The following TOX variants were observed in gnomAD, a reference collection of about 807,000 sequenced individuals.
TOX encodes thymocyte selection-associated high mobility group box protein TOX.
In TOX, 11 loss-of-function variants were observed where a neutral mutation model predicts 53.7. The ratio of observed to expected loss-of-function variants is 0.20; its 90% confidence interval spans 0.13 to 0.34. The LOEUF is 0.34. Ranked by LOEUF, TOX falls within the 10% of genes least tolerant of loss-of-function variation. The pLI is 1.00. For synonymous variants in TOX, 225 were observed against 245.3 expected (o/e 0.92, Z 0.77); for missense variants, 570 against 664.6 (o/e 0.86, Z 1.56).
chr8:58,906,273 A>T (rs564423157), intron 3 of TOX, among the ~76,000 whole-genome samples: 23 of 152,234 alleles, frequency 1.5e-4, no homozygotes, highest in Non-Finnish European at 2.6e-4. Flanking sequence ...AAGAAGAAAA[A>T]GACAGTGGCT....
At chr8:58,915,538 G>A (rs1289457502) in intron 3 of TOX, among the ~76,000 whole-genome samples, 9 of 131,002 alleles carry the variant, frequency 6.9e-5, no homozygotes, top group Non-Finnish European at 1.3e-4. Context: ...CATCTACACC[G>A]AAAACCTATC....
intron 1 of TOX, among the ~76,000 whole-genome samples, chr8:59,077,258 C>A (rs1285050703): frequency 6.6e-6 from 1 of 152,238 alleles, no homozygotes; most frequent in African/African-American, 2.4e-5. Context: ...GCTCTTTATT[C>A]TGCCAATGAA....
At position 58,815,633 on chromosome 8, in the gene TOX, T is replaced by A. The variant is rs1000606610; in HGVS notation, c.1097A>T (p.His366Leu). 1 of 1,614,020 alleles carries A rather than the reference T, an allele frequency of 6.2e-7. No individual in the cohort carries two copies. The part of the protein sequence containing the change: ...PSVFHGPSQA[H>L]SALYLSSHYH... ...GTGGGAACTTAGGTACAGGGCCGAG[T>A]GGGCCTGGCTGGGCCCATGGAACAC... The change falls in exon 7 of 9, where the codon CAC becomes CTC. Residue 366 changes from histidine (H) to leucine (L), a missense_variant. Physicochemically the swap from His to Leu is moderately conservative, Grantham distance 99. Around this residue, in one of 3 missense-constraint regions of TOX, gnomAD observed 239 missense variants for 250.7 expected, o/e 0.95. Transcript: ENST00000361421.
chr8:58,853,080 A>C (rs1810852609), intron 3 of TOX, among the ~76,000 whole-genome samples: 1 of 152,162 alleles, frequency 6.6e-6, no homozygotes, highest in African/African-American at 2.4e-5. Context: ...GAGGCTGTCC[A>C]CAGCCCCCAT....
intron 1 of TOX, among the ~76,000 whole-genome samples, chr8:59,053,771 T>C (rs1803836142): frequency 6.6e-6 from 1 of 152,196 alleles, no homozygotes. Flanking sequence ...CGAATCTATT[T>C]CCATTTAAAA....
At chr8:59,102,241 G>GTTTGTTTGTTTGT (rs1190440326) in intron 1 of TOX, among the ~76,000 whole-genome samples, 1 of 152,070 alleles carries the variant, frequency 6.6e-6, no homozygotes, top group African/African-American at 2.4e-5. Flanking sequence ...TTGTTTGTTT[G>GTTTGTTTGTTTGT]TTTTCAGATG....
intron 1 of TOX, among the ~76,000 whole-genome samples, chr8:58,960,862 T>A (rs752974641): frequency 6.6e-6 from 1 of 152,220 alleles, no homozygotes; most frequent in African/African-American, 2.4e-5. Context: ...ACTTGATAGA[T>A]GAGCAAAGCA....
At chr8:58,964,418 C>T (rs1812855596) in intron 1 of TOX, among the ~76,000 whole-genome samples, 1 of 152,090 alleles carries the variant, frequency 6.6e-6, no homozygotes, top group African/African-American at 2.4e-5. Flanking sequence ...AGGACCTTTC[C>T]CACCCCACCC....
At chr8:58,914,782 C>T (rs1444156070) in intron 3 of TOX, among the ~76,000 whole-genome samples, 1 of 151,940 alleles carries the variant, frequency 6.6e-6, no homozygotes, top group Admixed American at 6.6e-5. Context: ...GCATTTCCAT[C>T]TGAGGTACCG....
At chr8:58,941,095 C>A (rs1812430118) in intron 2 of TOX, among the ~76,000 whole-genome samples, 1 of 152,204 alleles carries the variant, frequency 6.6e-6, no homozygotes, top group African/African-American at 2.4e-5. Flanking sequence ...TTACCAAATT[C>A]TCCTGTTAAC....
At chr8:58,996,102 A>T (rs1813557425) in intron 1 of TOX, among the ~76,000 whole-genome samples, 1 of 151,858 alleles carries the variant, frequency 6.6e-6, no homozygotes, top group African/African-American at 2.4e-5. Context: ...GCATATTTCC[A>T]CTCTCTTTTT....
chr8:58,977,735 A>G (rs994164763), intron 1 of TOX, among the ~76,000 whole-genome samples: 1 of 152,174 alleles, frequency 6.6e-6, no homozygotes, highest in African/African-American at 2.4e-5. Flanking sequence ...GAGAGGGGGA[A>G]AAATAGGAGA....
At chr8:58,808,607 T>C (rs1810026834) in intron 7 of TOX, among the ~76,000 whole-genome samples, 1 of 152,240 alleles carries the variant, frequency 6.6e-6, no homozygotes. Flanking sequence ...AAAGTTTATG[T>C]TTTCTATCAA....
chr8:58,848,717 G>T (rs1810760594), intron 4 of TOX, among the ~76,000 whole-genome samples: 2 of 152,080 alleles, frequency 1.3e-5, no homozygotes, highest in South Asian at 4.1e-4. Flanking sequence ...ACTTAAGGCT[G>T]TCAACACAGT....
rs190814772 is a variant in TOX at position 58,932,546 on chromosome 8, T to C, written c.411+6756A>G. Among the ~76,000 whole-genome samples, 11 of 152,332 alleles carry C rather than the reference T, an allele frequency of 7.2e-5. No homozygotes were observed. The East Asian group carries it at 1.9e-3, about 27-fold the overall frequency. ...TGCTTAGCTCTAGTCCATGGTTACA[T>C]ACTTTATGCATTACATGAAATAAAA... On this transcript the variant is annotated intron_variant, in intron 3 of 8. Coordinates refer to ENST00000361421, the MANE Select transcript of TOX (RefSeq NM_014729.3).
At chr8:58,862,441 G>A (rs1811026401) in intron 3 of TOX, among the ~76,000 whole-genome samples, 1 of 151,982 alleles carries the variant, frequency 6.6e-6, no homozygotes, top group Middle Eastern at 3.2e-3. Flanking sequence ...TAAGGTCAAG[G>A]TCTCAAAACT....
At chr8:58,841,678 A>T (rs1585855050) in intron 4 of TOX, among the ~76,000 whole-genome samples, 1 of 152,042 alleles carries the variant, frequency 6.6e-6, no homozygotes, top group East Asian at 1.9e-4. Context: ...AAAAAAAGTG[A>T]CTAGGTGAGG....
intron 3 of TOX, among the ~76,000 whole-genome samples, chr8:58,899,152 T>C (rs1161728622): frequency 6.6e-6 from 1 of 152,206 alleles, no homozygotes; most frequent in Non-Finnish European, 1.5e-5. Context: ...AAGTTCTTTG[T>C]AAGTGGTAAA....
At chr8:58,841,579 G>A (rs1418080662) in intron 4 of TOX, among the ~76,000 whole-genome samples, 1 of 152,156 alleles carries the variant, frequency 6.6e-6, no homozygotes, top group Non-Finnish European at 1.5e-5. Context: ...AAGTTCTGGG[G>A]ATCTAACATA....
Sources: gnomAD v4.1 joint callset for allele counts (sites outside exome capture counted in the v4.1 genomes callset) on GRCh38, gnomAD v4.1.1 for gene constraint, gnomAD v4.1.1 regional missense constraint, MANE v1.5 for transcripts, NCBI Gene and HGNC (gene_info 2026-07-23, HGNC 2026-07-21) for gene names.